AGMO: variants seen among roughly 807,000 people sequenced by gnomAD.
AGMO encodes the protein glyceryl-ether monooxygenase.
Under a neutral mutation model 60.2 loss-of-function variants are expected in AGMO, and 75 were observed. The observed-to-expected ratio is 1.25, with a 90% CI of 1.03 to 1.51. The LOEUF (loss-of-function observed/expected upper bound fraction) is 1.51. Among genes scored for constraint, AGMO ranks in the 40% most tolerant of loss-of-function variants. The probability of loss-of-function intolerance (pLI) is 0.00; values close to 1 mark genes in which losing one functional copy is unlikely to be tolerated. For missense variants in AGMO, 763 were observed against 525.5 expected (o/e 1.45, Z -4.42); for synonymous variants, 261 against 177.1 (o/e 1.47, Z -3.76).
chr7:15,548,852 GAC>G (rs1018676684), intron 2 of AGMO, among the ~76,000 whole-genome samples: 3 of 152,038 alleles, frequency 2.0e-5, no homozygotes, highest in African/African-American at 7.2e-5. Context: ...GCAACTCCAA[GAC>G]ACATAATTGT....
At chr7:15,148,526 C>T in the AGMO span, among the ~76,000 whole-genome samples, 8 of 152,002 alleles carry the variant, frequency 5.3e-5, no homozygotes, top group African/African-American at 1.9e-4. Context: ...TTGTTCCTCT[C>T]TTTATGTTCA....
the AGMO span, among the ~76,000 whole-genome samples, chr7:15,161,693 A>C: frequency 2.6e-5 from 4 of 150,984 alleles, no homozygotes; most frequent in African/African-American, 9.8e-5. Flanking sequence ...ATATGTATAT[A>C]TGTGTGTGTG....
chr7:15,297,693 ACT>A (rs1425908413), intron 12 of AGMO, among the ~76,000 whole-genome samples: 8 of 152,172 alleles, frequency 5.3e-5, no homozygotes, highest in Admixed American at 2.6e-4. Flanking sequence ...AACTTTGATC[ACT>A]ACCCTGTGAA....
At chr7:15,341,141 G>C (rs1173793513) in intron 12 of AGMO, among the ~76,000 whole-genome samples, 1 of 152,142 alleles carries the variant, frequency 6.6e-6, no homozygotes, top group Non-Finnish European at 1.5e-5. Flanking sequence ...TTGTCTTGGT[G>C]ATTAACATTT....
At chr7:15,260,051 C>A (rs1180877357) in intron 12 of AGMO, among the ~76,000 whole-genome samples, 1 of 147,532 alleles carries the variant, frequency 6.8e-6, no homozygotes. Context: ...ATTTAGGCAA[C>A]AAATAGCATG....
chr7:15,202,951 C>T (rs1260128048), intron 12 of AGMO, among the ~76,000 whole-genome samples: 1 of 152,062 alleles, frequency 6.6e-6, no homozygotes, highest in African/African-American at 2.4e-5. Flanking sequence ...TCAAGTGAGA[C>T]AGAGATGATA....
chr7:15,419,798 C>T (rs1391029995), intron 4 of AGMO, among the ~76,000 whole-genome samples: 1 of 151,982 alleles, frequency 6.6e-6, no homozygotes, highest in East Asian at 1.9e-4. Context: ...CTCTGTGATA[C>T]TCCCTAAGTT....
At chr7:15,177,534 A>C in the AGMO span, among the ~76,000 whole-genome samples, 23 of 152,178 alleles carry the variant, frequency 1.5e-4, no homozygotes, top group African/African-American at 5.1e-4. Flanking sequence ...TTGTCTGCTG[A>C]TTTCTTCTTC....
At position 15,264,151 on chromosome 7, in the gene AGMO, T is replaced by C. The variant is rs184836104; in HGVS notation, c.1264-62792A>G. Among the ~76,000 whole-genome samples the C allele has an allele frequency of 4.6e-5, 7 of 152,044 alleles. No individual in the cohort carries two copies. The East Asian group carries it at 7.7e-4, about 17-fold the overall frequency. Reference sequence around the variant, plus strand: ...AATATTTTAGTGTCATATTTATGAATTAGTTGTGTGCATCTAAAATAATGA... The same window carrying C: ...AATATTTTAGTGTCATATTTATGAACTAGTTGTGTGCATCTAAAATAATGA... On this transcript the variant is annotated intron_variant, in intron 12 of 12. Coordinates refer to ENST00000342526, the MANE Select transcript of AGMO (RefSeq NM_001004320.2).
chr7:15,150,931 T>A, the AGMO span, among the ~76,000 whole-genome samples: 5 of 152,164 alleles, frequency 3.3e-5, no homozygotes, highest in Non-Finnish European at 7.4e-5. Flanking sequence ...AGAATTTGGC[T>A]GTGAATTTTC....
intron 3 of AGMO, among the ~76,000 whole-genome samples, chr7:15,537,186 C>T (rs1238502271): frequency 6.6e-6 from 1 of 151,996 alleles, no homozygotes; most frequent in East Asian, 1.9e-4. Context: ...CTTATTTATT[C>T]ATTCACTCAT....
At chr7:15,332,298 C>CT (rs1284443701) in intron 12 of AGMO, among the ~76,000 whole-genome samples, 2 of 152,262 alleles carry the variant, frequency 1.3e-5, no homozygotes, top group East Asian at 3.9e-4. Flanking sequence ...TTAGCCTACT[C>CT]TGTGCCTGGT....
chr7:15,223,008 T>A (rs1430234752), intron 12 of AGMO, among the ~76,000 whole-genome samples: 1 of 151,996 alleles, frequency 6.6e-6, no homozygotes, highest in Non-Finnish European at 1.5e-5. Flanking sequence ...AGTGTGCATG[T>A]CTATGATTGT....
At chr7:15,178,196 T>C in the AGMO span, among the ~76,000 whole-genome samples, 1 of 152,194 alleles carries the variant, frequency 6.6e-6, no homozygotes, top group Non-Finnish European at 1.5e-5. Context: ...GGCCAGAATA[T>C]GTTCTCAAAT....
intron 5 of AGMO, among the ~76,000 whole-genome samples, chr7:15,405,506 T>C (rs1263523378): frequency 1.3e-5 from 2 of 151,946 alleles, no homozygotes; most frequent in African/African-American, 4.8e-5. Context: ...TTCTGTATCT[T>C]GATAAGCATT....
At chr7:15,518,382 C>A (rs182022061) in intron 3 of AGMO, among the ~76,000 whole-genome samples, 1 of 152,178 alleles carries the variant, frequency 6.6e-6, no homozygotes, top group Admixed American at 6.5e-5. Flanking sequence ...CTGGGAGACA[C>A]CTCCCAGCAG....
intron 12 of AGMO, among the ~76,000 whole-genome samples, chr7:15,339,705 G>A (rs1045865557): frequency 7.9e-5 from 12 of 151,978 alleles, no homozygotes; most frequent in African/African-American, 2.7e-4. Flanking sequence ...AAAAATCTAG[G>A]GACACCAATA....
At chr7:15,331,316 G>A (rs1409588027) in intron 12 of AGMO, among the ~76,000 whole-genome samples, 1 of 152,182 alleles carries the variant, frequency 6.6e-6, no homozygotes, top group East Asian at 1.9e-4. Context: ...TACGGCTTAA[G>A]CCACTAAGGT....
chr7:15,363,856 T>C (rs993543536), intron 12 of AGMO, among the ~76,000 whole-genome samples: 2 of 151,784 alleles, frequency 1.3e-5, no homozygotes, highest in African/African-American at 4.9e-5. Flanking sequence ...TTAAATGAAA[T>C]TATTGTCTTT....
Sources: gnomAD v4.1 joint callset for allele counts (sites outside exome capture counted in the v4.1 genomes callset) on GRCh38, gnomAD v4.1.1 for gene constraint, MANE v1.5 for transcripts, NCBI Gene and HGNC (gene_info 2026-07-23, HGNC 2026-07-21) for gene names.